The following INHA variants were observed in gnomAD, a reference collection of about 807,000 sequenced individuals.
INHA encodes the protein inhibin alpha chain.
INHA carries 8 observed loss-of-function variants against 21.3 expected under a neutral mutation model. The observed-to-expected ratio is 0.38, with a 90% confidence interval of 0.22 to 0.68. The LOEUF (loss-of-function observed/expected upper bound fraction) is 0.68. Among genes scored for constraint, INHA ranks in the 30% least tolerant of loss-of-function variants. INHA has a pLI of 0.53. For synonymous variants in INHA, 231 were observed against 207.5 expected, an observed-to-expected ratio of 1.11 and a Z score of -0.97; for missense variants, 436 against 465.8, an observed-to-expected ratio of 0.94 and a Z score of 0.59.
rs1697439466 is a variant in INHA at position 219,572,697 on chromosome 2, A to G, written c.268+55A>G. ...ACTTTGAGAAAAAGCAAGGCACAGC[A>G]TGGGTTTGCAGGCCAGGCGGACCTG... On this transcript the variant is annotated intron_variant, in intron 1 of 1. Transcript: ENST00000243786. The G allele has an allele frequency of 1.9e-6, 3 of 1,545,578 alleles. No individual in the cohort carries two copies. In the African/African-American group the frequency reaches 4.1e-5, roughly 21 times the overall value.
Position 219,575,368 on chromosome 2 carries a change from G to T in INHA, c.943G>T (p.Ala315Ser). Residue 315 changes from alanine to serine, a missense_variant, in exon 2 of 2, where the codon GCC (alanine) becomes TCC (serine). Coordinates refer to ENST00000243786, the MANE Select transcript of INHA (RefSeq NM_002191.4). ...AGTCCCTGGGGCTCCCCCTACCCCA[G>T]CCCAGCCCTACTCCTTGCTGCCAGG... ...LPVPGAPPTP[A>S]QPYSLLPGAQ... 1 of 1,614,132 alleles carries T rather than the reference G, an allele frequency of 6.2e-7. No individual in the cohort carries two copies. Among genetic ancestry groups the T allele is most frequent in the Non-Finnish European group, 8.5e-7 (1 of 1,180,008 alleles).
At position 219,572,386 on chromosome 2, in the gene INHA, C is replaced by T. The variant is rs1469029583; in HGVS notation, c.12C>T (p.His4=). 1.2e-6 allele frequency: 2 copies of T among 1,613,940 alleles called. No individual in the cohort carries two copies. The highest frequency in any genetic ancestry group is 2.7e-5 in the African/African-American group (2 of 75,064). MVL[H]LLLFLLLTPQ... ...GGGCCAGGTGAGCTATGGTGCTGCA[C>T]CTACTGCTCTTCTTGCTGCTGACCC... The change falls in exon 1 of 2, where the codon CAC becomes CAT. Residue 4 remains histidine, a synonymous_variant. Coordinates refer to ENST00000243786, the MANE Select transcript of INHA (RefSeq NM_002191.4).
In INHA at chr2:219,574,920, G is replaced by A. The variant is rs748353004; in HGVS notation, c.495G>A (p.Val165=). The A allele has an allele frequency of 4.3e-6, 7 of 1,614,070 alleles. No individual in the cohort carries two copies. Among genetic ancestry groups the A allele is most frequent in the African/African-American group, 2.7e-5 (2 of 74,944 alleles). The change falls in exon 2 of 2, where the codon GTG becomes GTA. Residue 165 remains valine, a synonymous_variant. Coordinates refer to ENST00000243786, the MANE Select transcript of INHA (RefSeq NM_002191.4). ...LALSPGGPVA[V]PMSLGHAPPH... ...TGTCACCGGGAGGACCCGTGGCTGT[G>A]CCCATGTCTTTGGGCCATGCTCCCC...
rs755013497 is a variant in INHA, at chr2:219,574,965, C to A, written c.540C>A (p.His180Gln). The A allele has an allele frequency of 6.2e-7, 1 of 1,613,844 alleles. No individual in the cohort carries two copies. The highest frequency in any genetic ancestry group is 1.3e-5 in the African/African-American group (1 of 74,946). Residue 180 changes from histidine to glutamine, a missense_variant, in exon 2 of 2, where the codon CAC becomes CAA. Physicochemically the swap from His to Gln is conservative, Grantham distance 24 (BLOSUM62 0). Coordinates refer to ENST00000243786, the MANE Select transcript of INHA (RefSeq NM_002191.4). ...CTCCCCCTCACTGGGCCGTGCTGCA[C>A]CTGGCCACCTCTGCTCTCTCTCTGC... ...GHAPPHWAVL[H>Q]LATSALSLLT... is the part of the protein sequence containing the mutation.
chr2:219,575,496 C>T lies in INHA; in HGVS notation c.1071C>T (p.Asn357=), dbSNP rs763003465. ...CTTTCAAGTATGAGACAGTGCCCAA[C>T]CTTCTCACGCAGCACTGTGCTTGTA... ...GYSFKYETVP[N]LLTQHCACI Residue 357 remains asparagine, a synonymous_variant, in exon 2 of 2, where the codon AAC becomes AAT. Transcript: ENST00000243786. The T allele has an allele frequency of 2.5e-6, 4 of 1,613,662 alleles. No homozygotes were observed. The highest frequency in any genetic ancestry group is 2.7e-5 in the African/African-American group (2 of 74,908).
rs548689874 is a variant in INHA at position 219,575,535 on chromosome 2, G to A, written c.*9G>A. 1 of 1,605,186 alleles carries A rather than the reference G, an allele frequency of 6.2e-7. No homozygotes were observed. The highest frequency in any genetic ancestry group is 2.2e-5 in the East Asian group (1 of 44,826). On this transcript the variant is annotated 3_prime_UTR_variant, in exon 2 of 2. Coordinates refer to ENST00000243786, the MANE Select transcript of INHA (RefSeq NM_002191.4). ...ACTGTGCTTGTATCTAAGGGTGGGGGGTCTTCCTTCTTAATCCCATGGCTG... is the reference window on the plus strand; with the variant it reads ...ACTGTGCTTGTATCTAAGGGTGGGGAGTCTTCCTTCTTAATCCCATGGCTG...
In INHA at chr2:219,572,327, GGGCAC is replaced by G; in HGVS notation, c.-45_-41del. 1 of 1,612,810 alleles carries G rather than the reference GGGCAC, an allele frequency of 6.2e-7. No homozygotes were observed. Among genetic ancestry groups the G allele is most frequent in the Non-Finnish European group, 8.5e-7 (1 of 1,179,908 alleles). ...GGCCCTGGGCAGACCCTGGCAGAAG[GGGCAC>G]GGGGCAGGGTGTGAGTTCCCCACTA... On this transcript the variant is annotated 5_prime_UTR_variant, in exon 1 of 2. Transcript: ENST00000243786.
In INHA at chr2:219,575,522, T is replaced by C; in HGVS notation, c.1097T>C (p.Ile366Thr). 6.2e-7 allele frequency: 1 copy of C among 1,611,790 alleles called. No homozygotes were observed. Among genetic ancestry groups the C allele is most frequent in the South Asian group, 1.1e-5 (1 of 91,036 alleles). ...PNLLTQHCAC[I>T] ...CTTCTCACGCAGCACTGTGCTTGTA[T>C]CTAAGGGTGGGGGGTCTTCCTTCTT... is the stretch of plus-strand genomic sequence containing the variant. The change falls in exon 2 of 2, where the codon ATC (isoleucine) becomes ACC (threonine). Residue 366 changes from isoleucine (I) to threonine (T), a missense_variant. Transcript: ENST00000243786.
At chr2:219,574,594 T>G in intron 1 of INHA, 100 bp from the exon 2 acceptor site, 1 of 987,694 alleles carries the variant, frequency 1.0e-6, no homozygotes, top group Non-Finnish European at 1.5e-6. Flanking sequence ...CAGCCCATCA[T>G]TGGCTCATGA....
intron 1 of INHA, among the ~76,000 whole-genome samples, chr2:219,573,897 G>A (rs1214825766): frequency 3.3e-5 from 5 of 151,710 alleles, no homozygotes; most frequent in South Asian, 2.1e-4. Flanking sequence ...GAGGCGGAGC[G>A]GAAGGCAGAG....
chr2:219,574,985 C>T lies in INHA; in HGVS notation c.560C>T (p.Ser187Phe), dbSNP rs1159239660. ...CTGCACCTGGCCACCTCTGCTCTCT[C>T]TCTGCTGACCCACCCCGTCCTGGTG... ...AVLHLATSALSLLTHPVLVLL... is the reference protein window; with the variant it reads ...AVLHLATSALFLLTHPVLVLL... Residue 187 changes from serine to phenylalanine, a missense_variant, in exon 2 of 2, where the codon TCT (serine) becomes TTT (phenylalanine). Ser to Phe is a radical substitution (Grantham distance 155). Coordinates refer to ENST00000243786, the MANE Select transcript of INHA (RefSeq NM_002191.4). 6.2e-7 allele frequency: 1 copy of T among 1,613,502 alleles called. No homozygotes were observed. Among genetic ancestry groups the T allele is most frequent in the Non-Finnish European group, 8.5e-7 (1 of 1,180,032 alleles).
rs777288649 is a variant in INHA at position 219,575,447 on chromosome 2, G to A, written c.1022G>A (p.Arg341His). ...GGGACCATGAGGCCCCTACATGTCCGCACCACCTCGGATGGAGGTTACTCT... is the reference window on the plus strand; with the variant it reads ...GGGACCATGAGGCCCCTACATGTCCACACCACCTCGGATGGAGGTTACTCT... ...LPGTMRPLHV[R>H]TTSDGGYSFK... Residue 341 changes from arginine to histidine, a missense_variant, in exon 2 of 2, where the codon CGC (arginine) becomes CAC (histidine). Coordinates refer to ENST00000243786, the MANE Select transcript of INHA (RefSeq NM_002191.4). 2.7e-5 allele frequency: 43 copies of A among 1,613,966 alleles called. No homozygotes were observed. Among genetic ancestry groups the A allele is most frequent in the South Asian group, 3.3e-5 (3 of 91,088 alleles).
In INHA at chr2:219,574,789, C is replaced by T. The variant is rs577636996; in HGVS notation, c.364C>T (p.Arg122Cys). The T allele has an allele frequency of 1.1e-5, 17 of 1,614,138 alleles. No individual in the cohort carries two copies. The East Asian group carries it at 1.1e-4, about 11-fold the overall frequency. The stretch of plus-strand genomic sequence containing the variant: ...CATGTTCCGGCCATCCCAGCATACA[C>T]GCAGCCGCCAGGTGACTTCAGCCCA... ...RYMFRPSQHT[R>C]SRQVTSAQLW... Residue 122 changes from arginine to cysteine, a missense_variant, in exon 2 of 2, where the codon CGC (arginine) becomes TGC (cysteine). Arg to Cys is a radical substitution (Grantham distance 180, BLOSUM62 -3). Transcript: ENST00000243786.
At position 219,574,904 on chromosome 2, in the gene INHA, G is replaced by C. The variant is rs746904695; in HGVS notation, c.479G>C (p.Gly160Ala). ...CTAGGCCTGCTGGCACTGTCACCGG[G>C]AGGACCCGTGGCTGTGCCCATGTCT... Reference protein sequence around the residue: ...PLLGLLALSPGGPVAVPMSLG... With the variant: ...PLLGLLALSPAGPVAVPMSLG... Residue 160 changes from glycine (G) to alanine (A), a missense_variant, in exon 2 of 2, where the codon GGA becomes GCA. By Grantham distance (60) the Gly-to-Ala change is moderately conservative. Coordinates refer to ENST00000243786, the MANE Select transcript of INHA (RefSeq NM_002191.4). 10 of 1,614,050 alleles carry C rather than the reference G, an allele frequency of 6.2e-6. No individual in the cohort carries two copies. In the Admixed American group the frequency reaches 1.0e-4, roughly 16 times the overall value.
At chr2:219,574,278 CAAAAAA>C (rs1189604451) in intron 1 of INHA, among the ~76,000 whole-genome samples, 9 of 65,982 alleles carry the variant, frequency 1.4e-4, no homozygotes, top group African/African-American at 3.6e-4. Flanking sequence ...GACTCTGTCT[CAAAAAA>C]AAAAAAAAAA....
Position 219,574,782 on chromosome 2 carries a change from G to A in INHA, c.357G>A (p.Gln119=). 1 of 1,614,134 alleles carries A rather than the reference G, an allele frequency of 6.2e-7. No homozygotes were observed. Among genetic ancestry groups the A allele is most frequent in the Non-Finnish European group, 8.5e-7 (1 of 1,180,020 alleles). Residue 119 remains glutamine (Q), a synonymous_variant, in exon 2 of 2, where the codon CAG becomes CAA. Coordinates refer to ENST00000243786, the MANE Select transcript of INHA (RefSeq NM_002191.4). Reference sequence around the variant, plus strand: ...TCAGATACATGTTCCGGCCATCCCAGCATACACGCAGCCGCCAGGTGACTT... The same window carrying A: ...TCAGATACATGTTCCGGCCATCCCAACATACACGCAGCCGCCAGGTGACTT... ...GLFRYMFRPS[Q]HTRSRQVTSA...
At position 219,575,191 on chromosome 2, in the gene INHA, C is replaced by T. The variant is rs1368076552; in HGVS notation, c.766C>T (p.Pro256Ser). 7 of 1,614,138 alleles carry T rather than the reference C, an allele frequency of 4.3e-6. No individual in the cohort carries two copies. Among genetic ancestry groups the T allele is most frequent in the Non-Finnish European group, 5.9e-6 (7 of 1,180,056 alleles). Residue 256 changes from proline (P) to serine (S), a missense_variant, in exon 2 of 2, where the codon CCG becomes TCG. Transcript: ENST00000243786. Reference sequence around the variant, plus strand: ...CCTGCTGCAGAGGCCTCCGGAGGAACCGGCTGCCCATGCCAACTGCCACAG... The same window carrying T: ...CCTGCTGCAGAGGCCTCCGGAGGAATCGGCTGCCCATGCCAACTGCCACAG... The part of the protein sequence containing the change: ...LRLLQRPPEE[P>S]AAHANCHRVA...
rs566461209 is a variant in INHA, at chr2:219,574,963, C to A, written c.538C>A (p.His180Asn). The change falls in exon 2 of 2, where the codon CAC becomes AAC. Residue 180 changes from histidine (H) to asparagine (N), a missense_variant. Coordinates refer to ENST00000243786, the MANE Select transcript of INHA (RefSeq NM_002191.4). ...GHAPPHWAVL[H>N]LATSALSLLT... is the part of the protein sequence containing the mutation. ...TGCTCCCCCTCACTGGGCCGTGCTG[C>A]ACCTGGCCACCTCTGCTCTCTCTCT... The A allele has an allele frequency of 1.8e-5, 29 of 1,613,954 alleles. No individual in the cohort carries two copies. In the East Asian group the frequency reaches 6.0e-4, roughly 33 times the overall value.
chr2:219,575,428 A>C lies in INHA; in HGVS notation c.1003A>C (p.Met335Leu). ...CTGCTGTGCTGCTCTCCCAGGGACC[A>C]TGAGGCCCCTACATGTCCGCACCAC... ...QPCCAALPGTMRPLHVRTTSD... is the reference protein window; with the variant it reads ...QPCCAALPGTLRPLHVRTTSD... Residue 335 changes from methionine (M) to leucine (L), a missense_variant, in exon 2 of 2, where the codon ATG (methionine) becomes CTG (leucine). By Grantham distance (15) the Met-to-Leu change is conservative. Coordinates refer to ENST00000243786, the MANE Select transcript of INHA (RefSeq NM_002191.4). 6.2e-7 allele frequency: 1 copy of C among 1,614,022 alleles called. No homozygotes were observed. Among genetic ancestry groups the C allele is most frequent in the South Asian group, 1.1e-5 (1 of 91,086 alleles).
Sources: gnomAD v4.1 joint callset for allele counts (sites outside exome capture counted in the v4.1 genomes callset) on GRCh38, gnomAD v4.1.1 for gene constraint, MANE v1.5 for transcripts, NCBI Gene and HGNC (gene_info 2026-07-23, HGNC 2026-07-21) for gene names.